The following PRDM1 variants were observed in gnomAD, a reference collection of about 807,000 sequenced individuals.
PRDM1 encodes the protein PR domain zinc finger protein 1.
A neutral mutation model predicts 62.8 loss-of-function variants in PRDM1; 13 were observed. The observed-to-expected ratio is 0.21, with a 90% CI of 0.13 to 0.33. The LOEUF is 0.33. Among genes scored for constraint, PRDM1 ranks in the 10% least tolerant of loss-of-function variants. The pLI is 1.00. For synonymous variants in PRDM1, 396 were observed against 417.6 expected (o/e 0.95, Z 0.63); for missense variants, 895 against 1,058.8 (o/e 0.85, Z 2.15).
chr6:106,041,588 C>G (rs138058214), intron 1 of PRDM1, among the ~76,000 whole-genome samples: 328 of 152,240 alleles, frequency 2.2e-3, no homozygotes, highest in African/African-American at 7.7e-3. Context: ...GAGATAGTTT[C>G]TTGGCATGAT....
intron 1 of PRDM1, among the ~76,000 whole-genome samples, chr6:106,017,171 T>C (rs1772632802): frequency 6.6e-6 from 1 of 152,204 alleles, no homozygotes; most frequent in Non-Finnish European, 1.5e-5. Context: ...TAGTTAAGTA[T>C]TGGGGAGTCA....
At chr6:106,073,915 T>C (rs1352053613) in intron 1 of PRDM1, among the ~76,000 whole-genome samples, 1 of 152,232 alleles carries the variant, frequency 6.6e-6, no homozygotes, top group Non-Finnish European at 1.5e-5. Flanking sequence ...TTAGGGTTTC[T>C]GCAGTAGAAA....
At chr6:106,101,520 A>G (rs924148972) in intron 4 of PRDM1, among the ~76,000 whole-genome samples, 1 of 152,192 alleles carries the variant, frequency 6.6e-6, no homozygotes, top group Non-Finnish European at 1.5e-5. Context: ...TTTTTTCTAA[A>G]TGGTGGTTTA....
rs1772499003 is a variant in PRDM1, at chr6:106,007,644, G to A, written c.-67+14005G>A. Among the ~76,000 whole-genome samples, 3 of 152,208 alleles carry A rather than the reference G, an allele frequency of 2.0e-5. No homozygotes were observed. The South Asian group carries it at 6.2e-4, about 32-fold the overall frequency. ...TTCTTAAGACTTTTAAACAAAGCAG[G>A]TGATATATAAACTTCCCACATTATT... On this transcript the variant is annotated intron_variant, in intron 1 of 6. Coordinates refer to the PRDM1 transcript ENST00000652320.
At chr6:106,085,356 G>T (rs1311468341), upstream of PRDM1, among the ~76,000 whole-genome samples, 1 of 152,200 alleles carries the variant, frequency 6.6e-6, no homozygotes, top group African/African-American at 2.4e-5. Flanking sequence ...AATTGAAATG[G>T]GGTGTTTGCT....
chr6:106,039,888 C>T lies in PRDM1; in HGVS notation c.-67+46249C>T, dbSNP rs9480636. ...AGCGAGATTGTGTTTAGCCTATTTC[C>T]CGAATGGCAATTAAGAAATGGTTTT... On this transcript the variant is annotated intron_variant, in intron 1 of 6. Coordinates refer to the PRDM1 transcript ENST00000652320. Among the ~76,000 whole-genome samples the T allele has an allele frequency of 8.1e-3, 1,237 of 152,322 alleles. 16 individuals carry two copies. The highest frequency in any genetic ancestry group is 0.029 in the African/African-American group (1,198 of 41,564).
Position 106,088,218 on chromosome 6 carries a change from C to G in PRDM1, c.60C>G (p.Asn20Lys). Residue 20 changes from asparagine (N) to lysine (K), a missense_variant, in exon 2 of 7, where the codon AAC becomes AAG. By Grantham distance (94) the Asn-to-Lys change is moderately conservative (BLOSUM62 0). This residue lies in a region of PRDM1 where 213 missense variants were observed against 283.9 expected (regional missense o/e 0.75). Transcript: ENST00000369096. Reference sequence around the variant, plus strand: ...TCTTCCAGGCTGCCCCCAAGTGTAACTCCAGCACTGTGAGGTTTCAGGGAT... The same window carrying G: ...TCTTCCAGGCTGCCCCCAAGTGTAAGTCCAGCACTGTGAGGTTTCAGGGAT... ...VGTTLAAPKC[N>K]SSTVRFQGLA... is the part of the protein sequence containing the mutation. 1 of 1,612,426 alleles carries G rather than the reference C, an allele frequency of 6.2e-7. No individual in the cohort carries two copies. Among genetic ancestry groups the G allele is most frequent in the South Asian group, 1.1e-5 (1 of 90,890 alleles).
chr6:106,047,972 G>A (rs747792690), upstream of PRDM1, among the ~76,000 whole-genome samples: 1 of 152,210 alleles, frequency 6.6e-6, no homozygotes. Flanking sequence ...TTCTTAAACG[G>A]CTTGTGCCAG....
chr6:106,063,577 C>A (rs1022172692), intron 1 of PRDM1, among the ~76,000 whole-genome samples: 5 of 152,032 alleles, frequency 3.3e-5, no homozygotes, highest in African/African-American at 1.2e-4. Context: ...AAAATAATTT[C>A]TAAAAAAAAT....
rs1025248081 is a variant in PRDM1, at chr6:106,097,778, A to C, written c.412-1522A>C. Among the ~76,000 whole-genome samples, 4 of 152,362 alleles carry C rather than the reference A, an allele frequency of 2.6e-5. No homozygotes were observed. The East Asian group carries it at 5.8e-4, about 22-fold the overall frequency. The stretch of plus-strand genomic sequence containing the variant: ...CAACATACCCGTAGCTTTAGAAAGC[A>C]GTTTCCGCACCAGCGAAGAGTACAA... On this transcript the variant is annotated intron_variant, in intron 3 of 6. Transcript: ENST00000369096.
At chr6:106,076,785 T>G (rs1773611914) in intron 1 of PRDM1, among the ~76,000 whole-genome samples, 1 of 152,252 alleles carries the variant, frequency 6.6e-6, no homozygotes, top group African/African-American at 2.4e-5. Context: ...GCAATCAGAA[T>G]TGTATCAGCC....
rs1464676170 is a variant in PRDM1 at position 106,022,395 on chromosome 6, A to T, written c.-67+28756A>T. On this transcript the variant is annotated intron_variant, in intron 1 of 6. Transcript: ENST00000652320. ...CCTTAGCCTCTTGAGTAGCTAGGACAACAGGCATGCACCACCACCACGCCC... is the reference window on the plus strand; with the variant it reads ...CCTTAGCCTCTTGAGTAGCTAGGACTACAGGCATGCACCACCACCACGCCC... Among the ~76,000 whole-genome samples, 8 of 151,284 alleles carry T rather than the reference A, an allele frequency of 5.3e-5. No individual in the cohort carries two copies. In the South Asian group the frequency reaches 1.7e-3, roughly 32 times the overall value.
intron 1 of PRDM1, among the ~76,000 whole-genome samples, chr6:106,011,548 C>A (rs1489113599): frequency 6.6e-6 from 1 of 152,098 alleles, no homozygotes; most frequent in East Asian, 1.9e-4. Context: ...GCGGAGTACA[C>A]TATACCCTCC....
chr6:106,012,249 A>T (rs1490312873), intron 1 of PRDM1, among the ~76,000 whole-genome samples: 1 of 146,810 alleles, frequency 6.8e-6, no homozygotes, highest in Admixed American at 6.8e-5. Flanking sequence ...CAAACATACC[A>T]CACACACCAC....
chr6:106,090,648 GA>G (rs1431454453), intron 2 of PRDM1, among the ~76,000 whole-genome samples: 1 of 152,170 alleles, frequency 6.6e-6, no homozygotes, highest in East Asian at 1.9e-4. Context: ...AAGGATTGAT[GA>G]AATGTTTACA....
chr6:106,070,827 G>T (rs1471107893), intron 1 of PRDM1, among the ~76,000 whole-genome samples: 1 of 152,204 alleles, frequency 6.6e-6, no homozygotes, highest in Non-Finnish European at 1.5e-5. Context: ...ATTGGGCTCT[G>T]ACTGTGTGCT....
Position 106,105,414 on chromosome 6 carries a change from C to T in PRDM1, c.1254C>T (p.Tyr418=), listed in dbSNP as rs754357245. ...AHYPKFLLPP[Y]GMNCNGLSAV... Reference sequence around the variant, plus strand: ...ACCCCAAGTTCCTCTTGCCCCCCTACGGCATGAATTGTAATGGCCTGAGCG... The same window carrying T: ...ACCCCAAGTTCCTCTTGCCCCCCTATGGCATGAATTGTAATGGCCTGAGCG... The change falls in exon 5 of 7, where the codon TAC becomes TAT. Residue 418 remains tyrosine, a synonymous_variant. Transcript: ENST00000369096. The T allele has an allele frequency of 1.2e-5, 20 of 1,614,100 alleles. No homozygotes were observed. The highest frequency in any genetic ancestry group is 3.3e-5 in the Admixed American group (2 of 60,008).
At chr6:106,087,668 C>T in intron 1 of PRDM1, 1 of 232,838 alleles carries the variant, frequency 4.3e-6, no homozygotes, top group East Asian at 6.1e-5. Flanking sequence ...GCGTTGGGAG[C>T]TGGTGGGAAA....
intron 1 of PRDM1, among the ~76,000 whole-genome samples, chr6:106,025,573 T>C (rs1772753012): frequency 6.6e-6 from 1 of 152,202 alleles, no homozygotes; most frequent in African/African-American, 2.4e-5. Flanking sequence ...CTTTTTAGAA[T>C]AAATATTTCA....
Sources: gnomAD v4.1 joint callset for allele counts (sites outside exome capture counted in the v4.1 genomes callset) on GRCh38, gnomAD v4.1.1 for gene constraint, gnomAD v4.1.1 regional missense constraint, MANE v1.5 for transcripts, NCBI Gene and HGNC (gene_info 2026-07-23, HGNC 2026-07-21) for gene names.